The following DOK7 variants were observed in gnomAD, a reference collection of about 807,000 sequenced individuals.
The protein encoded by DOK7 is protein Dok-7.
In DOK7, 32 loss-of-function variants were observed where a neutral mutation model predicts 30.7. The ratio of observed to expected loss-of-function variants is 1.04; its 90% confidence interval spans 0.79 to 1.40. The LOEUF is 1.40. DOK7 is among the 40% of genes most tolerant of loss of function. DOK7 has a pLI of 0.00. For synonymous variants in DOK7, 447 were observed against 324.1 expected (o/e 1.38, Z -4.07); for missense variants, 1,007 against 699.2 (o/e 1.44, Z -4.97).
intron 3 of DOK7, 44 bp from the exon 4 acceptor site, chr4:3,476,298 C>A (rs1560212449): frequency 1.6e-6 from 2 of 1,265,774 alleles, no homozygotes; most frequent in African/African-American, 1.6e-5. Context: ...GATGTCCTCT[C>A]ACCCTGCCCG....
intron 7 of DOK7, chr4:3,500,609 G>T: frequency 6.5e-7 from 1 of 1,530,884 alleles, no homozygotes; most frequent in Non-Finnish European, 8.7e-7. Flanking sequence ...CGAGGGCCTG[G>T]CTGGGGGACT....
chr4:3,487,436 TGCTGA>T (rs1727881337), intron 5 of DOK7, among the ~76,000 whole-genome samples: 3 of 152,150 alleles, frequency 2.0e-5, no homozygotes, highest in South Asian at 4.2e-4. Context: ...CGTCCTCCTG[TGCTGA>T]GCCCGCTGTG....
At chr4:3,472,853 A>G (rs1432300651) in intron 2 of DOK7, among the ~76,000 whole-genome samples, 1 of 148,988 alleles carries the variant, frequency 6.7e-6, no homozygotes, top group Admixed American at 6.7e-5. Context: ...ATGGGACCCA[A>G]GGCCCATCGA....
downstream of DOK7, chr4:3,496,952 G>A (rs1028869931): frequency 1.7e-4 from 108 of 638,400 alleles, no homozygotes; most frequent in East Asian, 3.2e-3. Context: ...TTGACTAGAT[G>A]GGGAGGGGGG....
intron 4 of DOK7, among the ~76,000 whole-genome samples, chr4:3,479,390 G>A (rs1727304403): frequency 6.6e-6 from 1 of 152,232 alleles, no homozygotes; most frequent in Admixed American, 6.5e-5. Flanking sequence ...CCACCATTTG[G>A]CCGACAACTG....
chr4:3,500,720 C>A (rs530653324), exon 8 of DOK7: 1 of 1,534,572 alleles, frequency 6.5e-7, no homozygotes, highest in East Asian at 2.5e-5. Flanking sequence ...ACGCCCAGAT[C>A]GACATCATGG....
In DOK7 at chr4:3,493,207, A is replaced by G; in HGVS notation, c.1221A>G (p.Thr407=). 1 of 1,611,716 alleles carries G rather than the reference A, an allele frequency of 6.2e-7. No individual in the cohort carries two copies. Among genetic ancestry groups the G allele is most frequent in the Non-Finnish European group, 8.5e-7 (1 of 1,179,578 alleles). Residue 407 remains threonine, a synonymous_variant, in exon 7 of 7, where the codon ACA becomes ACG. Transcript: ENST00000340083. The stretch of plus-strand genomic sequence containing the variant: ...CCTCCCTGCGGGCCCACTATGACAC[A>G]CCACGCAGCCTTTGCCTGGCTCCTA... ...VPTSLRAHYD[T]PRSLCLAPRD... is the part of the protein sequence containing the mutation.
chr4:3,475,354 A>C (rs1444642740), intron 3 of DOK7, among the ~76,000 whole-genome samples: 1 of 152,222 alleles, frequency 6.6e-6, no homozygotes, highest in Non-Finnish European at 1.5e-5. Flanking sequence ...CTGAGGCCAC[A>C]GCTTGGAGCA....
intron 2 of DOK7, among the ~76,000 whole-genome samples, chr4:3,467,131 A>G (rs1726331504): frequency 1.3e-5 from 2 of 152,032 alleles, no homozygotes; most frequent in South Asian, 4.1e-4. Context: ...TGTGACCTCC[A>G]AAGGCTGTCC....
chr4:3,485,765 C>G (rs902146703), intron 5 of DOK7, 107 bp downstream of exon 5: 14 of 1,336,200 alleles, frequency 1.0e-5, no homozygotes, highest in Non-Finnish European at 1.3e-5. Context: ...GATGGCCAGC[C>G]TCCCCACCCC....
chr4:3,493,400 G>T lies in DOK7; in HGVS notation c.1414G>T (p.Gly472Cys), dbSNP rs1442193791. 3 of 1,595,478 alleles carry T rather than the reference G, an allele frequency of 1.9e-6. No homozygotes were observed. Among genetic ancestry groups the T allele is most frequent in the African/African-American group, 1.3e-5 (1 of 74,766 alleles). ...GGCCACACTGCCTGGCCCTGCCCCT[G>T]GCGAGCCCTGGGAAGCAGGCGGCCC... Reference protein sequence around the residue: ...SEATLPGPAPGEPWEAGGPHA... With the variant: ...SEATLPGPAPCEPWEAGGPHA... The change falls in exon 7 of 7, where the codon GGC becomes TGC. Residue 472 changes from glycine to cysteine, a missense_variant. Coordinates refer to ENST00000340083, the MANE Select transcript of DOK7 (RefSeq NM_173660.5).
intron 3 of DOK7, among the ~76,000 whole-genome samples, chr4:3,474,118 C>G (rs865843920): frequency 6.6e-6 from 1 of 152,278 alleles, no homozygotes. Context: ...GGTGGAACGT[C>G]AGTCCCAGCC....
At chr4:3,490,216 T>G (rs1728170093) in intron 6 of DOK7, among the ~76,000 whole-genome samples, 1 of 89,178 alleles carries the variant, frequency 1.1e-5, no homozygotes, top group Non-Finnish European at 2.0e-5. Context: ...CATTCATTCC[T>G]GTCTTCACCC....
At chr4:3,491,191 G>A (rs1383974007) in intron 6 of DOK7, among the ~76,000 whole-genome samples, 1 of 7,198 alleles carries the variant, frequency 1.4e-4, no homozygotes, top group African/African-American at 3.6e-4. Context: ...CTTCCCCCCT[G>A]CTCATTCCTT....
At chr4:3,489,889 G>A (rs759554399) in intron 6 of DOK7, 93 bp downstream of exon 6, 30 of 1,496,334 alleles carry the variant, frequency 2.0e-5, no homozygotes, top group Admixed American at 1.0e-4. Context: ...GGGGCTGCAG[G>A]CTCCCTCTGC....
chr4:3,474,176 G>T (rs1726934928), intron 3 of DOK7, among the ~76,000 whole-genome samples: 1 of 152,180 alleles, frequency 6.6e-6, no homozygotes, highest in Non-Finnish European at 1.5e-5. Context: ...GGGCTGAGCT[G>T]CCCTGGGGCT....
chr4:3,467,381 G>A (rs1012398386), intron 2 of DOK7, among the ~76,000 whole-genome samples: 2 of 149,864 alleles, frequency 1.3e-5, no homozygotes, highest in South Asian at 2.1e-4. Context: ...AGAAGCCTGC[G>A]TCCAACTGCC....
At chr4:3,495,262 G>T (rs1728841759), downstream of DOK7, among the ~76,000 whole-genome samples, 1 of 152,242 alleles carries the variant, frequency 6.6e-6, no homozygotes, top group Non-Finnish European at 1.5e-5. Context: ...GGCCGCGCCA[G>T]TCTTGTTGCA....
In DOK7 at chr4:3,493,009, C is replaced by G. The variant is rs773612095; in HGVS notation, c.1023C>G (p.Ala341=). The G allele has an allele frequency of 5.1e-6, 8 of 1,564,248 alleles. No homozygotes were observed. Among genetic ancestry groups the G allele is most frequent in the Non-Finnish European group, 6.9e-6 (8 of 1,159,688 alleles). ...AGAGCTCCTCGGACAGCGGCATCGC[C>G]ACTGGCAGCCACTCCTCTTACTCCA... is the stretch of plus-strand genomic sequence containing the variant. The part of the protein sequence containing the change: ...GRQSSSDSGI[A]TGSHSSYSSS... Residue 341 remains alanine, a synonymous_variant, in exon 7 of 7, where the codon GCC becomes GCG. Transcript: ENST00000340083.
Sources: allele counts gnomAD v4.1 joint callset (sites outside exome capture counted in the v4.1 genomes callset), GRCh38; gene constraint gnomAD v4.1.1; transcripts MANE v1.5; gene names NCBI Gene and HGNC (gene_info 2026-07-23, HGNC 2026-07-21).